Variants in SMURF2 observed in about 807,000 individuals in gnomAD.
SMURF2 encodes E3 ubiquitin-protein ligase SMURF2.
SMURF2 carries 48 observed loss-of-function variants against 109.6 expected under a neutral mutation model. The ratio of observed to expected loss-of-function variants is 0.44; its 90% CI spans 0.35 to 0.56. SMURF2 has a LOEUF of 0.56. Ranked by LOEUF, SMURF2 falls within the 20% of genes least tolerant of loss-of-function variation. The pLI is 0.01. For missense variants in SMURF2, 575 were observed against 909.0 expected (o/e 0.63, Z 4.72); for synonymous variants, 288 against 317.1 (o/e 0.91, Z 0.97).
chr17:64,599,129 G>T (rs1969858330), intron 2 of SMURF2, among the ~76,000 whole-genome samples: 1 of 152,176 alleles, frequency 6.6e-6, no homozygotes, highest in African/African-American at 2.4e-5. Context: ...CACTATGTTA[G>T]GTACTATTCT....
intron 1 of SMURF2, among the ~76,000 whole-genome samples, chr17:64,641,008 T>C (rs1234544317): frequency 1.3e-5 from 2 of 151,938 alleles, no homozygotes; most frequent in African/African-American, 4.8e-5. Context: ...CCCTGAATTA[T>C]AATATTTTTT....
intron 1 of SMURF2, among the ~76,000 whole-genome samples, chr17:64,608,039 A>AAATC (rs1399767939): frequency 6.7e-6 from 1 of 149,458 alleles, no homozygotes; most frequent in Admixed American, 6.6e-5. Flanking sequence ...ATAAATAAAT[A>AAATC]AATAAATCTG....
At chr17:64,613,874 T>C (rs1018956023) in intron 1 of SMURF2, among the ~76,000 whole-genome samples, 1 of 152,052 alleles carries the variant, frequency 6.6e-6, no homozygotes, top group African/African-American at 2.4e-5. Context: ...CTCACCATAA[T>C]GTAGAATCAG....
intron 1 of SMURF2, among the ~76,000 whole-genome samples, chr17:64,645,776 A>C (rs573349426): frequency 6.6e-6 from 1 of 152,272 alleles, no homozygotes; most frequent in African/African-American, 2.4e-5. Flanking sequence ...CCAGGTGGAC[A>C]TGCATCTCTT....
rs782492471 is a variant in SMURF2 at position 64,561,588 on chromosome 17, C to A, written c.1228G>T (p.Val410Phe). The A allele has an allele frequency of 3.3e-5, 53 of 1,612,300 alleles. 1 individual carries two copies. In the Admixed American group the frequency reaches 7.7e-4, roughly 23 times the overall value. ...EEIFEESYRQ[V>F]MKMRPKDLWK... ...AGATCTTTTGGTCTCATTTTCATGA[C>A]CTGTCGATATGATTCCTGAAAAAAA... The change falls in exon 12 of 19, where the codon GTC (valine) becomes TTC (phenylalanine). Residue 410 changes from valine to phenylalanine, a missense_variant. Around this residue, in one of 5 missense-constraint regions of SMURF2, gnomAD observed 361 missense variants for 612.1 expected, o/e 0.59. Transcript: ENST00000262435.
chr17:64,610,375 A>G (rs1285291849), intron 1 of SMURF2, among the ~76,000 whole-genome samples: 1 of 152,216 alleles, frequency 6.6e-6, no homozygotes, highest in Non-Finnish European at 1.5e-5. Context: ...CATCAATGAT[A>G]GACTGGATAA....
chr17:64,637,212 C>T (rs960854761), intron 1 of SMURF2, among the ~76,000 whole-genome samples: 13 of 151,536 alleles, frequency 8.6e-5, no homozygotes, highest in African/African-American at 2.7e-4. Flanking sequence ...CTACAATCTC[C>T]GCCTCCCAGG....
At chr17:64,588,567 T>G (rs1456532390) in intron 5 of SMURF2, among the ~76,000 whole-genome samples, 1 of 152,116 alleles carries the variant, frequency 6.6e-6, no homozygotes, top group Non-Finnish European at 1.5e-5. Flanking sequence ...TTTATATACA[T>G]ATTTATGTAT....
intron 2 of SMURF2, among the ~76,000 whole-genome samples, chr17:64,601,722 CATT>C (rs1434801181): frequency 1.3e-5 from 2 of 151,894 alleles, no homozygotes; most frequent in Non-Finnish European, 2.9e-5. Context: ...GGAAAGAAGT[CATT>C]ATACGAAAAA....
intron 12 of SMURF2, 83 bp downstream of exon 12, chr17:64,561,417 A>G (rs1598271844): frequency 2.3e-6 from 2 of 857,018 alleles, no homozygotes; most frequent in Middle Eastern, 2.2e-4. Context: ...ATAAATGTCG[A>G]TGAGAAAGTT....
chr17:64,559,250 A>C (rs922722307), intron 12 of SMURF2, among the ~76,000 whole-genome samples: 3 of 152,296 alleles, frequency 2.0e-5, no homozygotes, highest in Admixed American at 1.3e-4. Flanking sequence ...AAAGCAGATC[A>C]CTGTCACATT....
chr17:64,571,746 C>G (rs782536232), intron 10 of SMURF2, 52 bp downstream of exon 10: 14 of 1,512,738 alleles, frequency 9.3e-6, no homozygotes, highest in Non-Finnish European at 1.3e-5. Context: ...AGCATCTATG[C>G]GTTTCATCAT....
At chr17:64,595,508 T>C (rs1969804786) in intron 3 of SMURF2, among the ~76,000 whole-genome samples, 1 of 152,222 alleles carries the variant, frequency 6.6e-6, no homozygotes. Context: ...ATACATGATT[T>C]ATAAACAAGT....
At chr17:64,562,341 G>A (rs1240995630) in intron 11 of SMURF2, among the ~76,000 whole-genome samples, 18 of 147,220 alleles carry the variant, frequency 1.2e-4, no homozygotes, top group African/African-American at 7.5e-5. Flanking sequence ...TAGCACTCTC[G>A]GTATTCTTGG....
chr17:64,550,757 C>CAAAAAAAAA (rs146307567), intron 16 of SMURF2, among the ~76,000 whole-genome samples: 29 of 69,668 alleles, frequency 4.2e-4, no homozygotes, highest in Admixed American at 8.3e-4. Context: ...ACTCTGTCTC[C>CAAAAAAAAA]AAAAAAAAAA....
At chr17:64,558,676 C>G (rs1969162877) in intron 12 of SMURF2, among the ~76,000 whole-genome samples, 1 of 152,148 alleles carries the variant, frequency 6.6e-6, no homozygotes. Context: ...ATGTTCCATA[C>G]CACTTCTTGA....
At chr17:64,660,085 T>C (rs1312546180) in intron 1 of SMURF2, among the ~76,000 whole-genome samples, 2 of 152,204 alleles carry the variant, frequency 1.3e-5, no homozygotes, top group African/African-American at 4.8e-5. Context: ...TAAATTCTTA[T>C]AATGTATCAT....
At chr17:64,642,930 G>T (rs1477498607) in intron 1 of SMURF2, among the ~76,000 whole-genome samples, 2 of 152,108 alleles carry the variant, frequency 1.3e-5, no homozygotes, top group African/African-American at 4.8e-5. Context: ...TGGTGGCTGG[G>T]ACTACAGGCA....
At chr17:64,611,983 T>A (rs1412291095) in intron 1 of SMURF2, among the ~76,000 whole-genome samples, 2 of 152,130 alleles carry the variant, frequency 1.3e-5, no homozygotes, top group Non-Finnish European at 2.9e-5. Context: ...TCACGTGCCA[T>A]TCTCTCTGCC....
Sources: gnomAD v4.1 joint callset for allele counts (sites outside exome capture counted in the v4.1 genomes callset) on GRCh38, gnomAD v4.1.1 for gene constraint, gnomAD v4.1.1 regional missense constraint, MANE v1.5 for transcripts, NCBI Gene and HGNC (gene_info 2026-07-23, HGNC 2026-07-21) for gene names.